ATG4B: variants seen among roughly 807,000 people sequenced by gnomAD.
ATG4B encodes the protein autophagy related 4B cysteine peptidase, also known as cysteine protease ATG4B.
Under a neutral mutation model 56.6 loss-of-function variants are expected in ATG4B, and 29 were observed. The ratio of observed to expected loss-of-function variants is 0.51; its 90% CI spans 0.38 to 0.70. The LOEUF is 0.70. Among genes scored for constraint, ATG4B ranks in the 30% least tolerant of loss-of-function variants. ATG4B has a pLI of 0.00. For missense variants in ATG4B, 461 were observed against 515.5 expected (o/e 0.89, Z 1.02); for synonymous variants, 224 against 206.1 (o/e 1.09, Z -0.74).
chr2:241,649,670 T>G (rs1434352603), intron 1 of ATG4B, among the ~76,000 whole-genome samples: 2 of 152,256 alleles, frequency 1.3e-5, no homozygotes, highest in African/African-American at 4.8e-5. Flanking sequence ...GGCTGGCGCC[T>G]TCTTTTCAGG....
rs550161677 is a variant in ATG4B at position 241,658,427 on chromosome 2, C to CT, written c.459-681_459-680insT. Among the ~76,000 whole-genome samples, 42 of 152,282 alleles carry CT rather than the reference C, an allele frequency of 2.8e-4. No individual in the cohort carries two copies. In the East Asian group the frequency reaches 7.7e-3, roughly 28 times the overall value. Reference sequence around the variant, plus strand: ...TGCTCCACCCCCACCCAGCTCCCCTCCACAGGTCTTGCATTCTGTCCCCGG... The same window carrying CT: ...TGCTCCACCCCCACCCAGCTCCCCTCTCACAGGTCTTGCATTCTGTCCCCGG... On this transcript the variant is annotated intron_variant, in intron 6 of 12. Transcript: ENST00000404914.
At chr2:241,640,057 CAT>C (rs1461735162) in intron 1 of ATG4B, among the ~76,000 whole-genome samples, 1 of 152,114 alleles carries the variant, frequency 6.6e-6, no homozygotes, top group African/African-American at 2.4e-5. Context: ...GCTGGAGTAT[CAT>C]ATGAGAGACT....
chr2:241,666,909 C>T (rs2068795659), intron 8 of ATG4B, 71 bp downstream of exon 8: 1 of 1,488,114 alleles, frequency 6.7e-7, no homozygotes. Context: ...ACTTTCAGCG[C>T]ATCGTCGTCA....
At chr2:241,649,068 T>C (rs1260228645) in intron 1 of ATG4B, among the ~76,000 whole-genome samples, 1 of 152,204 alleles carries the variant, frequency 6.6e-6, no homozygotes, top group African/African-American at 2.4e-5. Context: ...ATTTTATGGA[T>C]GAGGGAACAT....
At chr2:241,670,436 G>A (rs537062248) in intron 10 of ATG4B, 49 of 486,372 alleles carry the variant, frequency 1.0e-4, no homozygotes, top group South Asian at 4.3e-4. Flanking sequence ...CCCCAATCCC[G>A]GAACACTCGG....
intron 10 of ATG4B, among the ~76,000 whole-genome samples, chr2:241,670,002 T>C (rs2068910327): frequency 6.6e-6 from 1 of 151,990 alleles, no homozygotes; most frequent in African/African-American, 2.4e-5. Flanking sequence ...GGCCACCTGG[T>C]GGGATAACTG....
At chr2:241,671,476 C>T (rs188318080) in intron 12 of ATG4B, 71 bp downstream of exon 12, 3 of 1,579,464 alleles carry the variant, frequency 1.9e-6, no homozygotes, top group Admixed American at 1.8e-5. Context: ...CAGTCCTGGC[C>T]CCCTTGGTTT....
intron 1 of ATG4B, among the ~76,000 whole-genome samples, chr2:241,646,322 T>C (rs2068058051): frequency 1.3e-5 from 2 of 152,186 alleles, no homozygotes; most frequent in South Asian, 4.1e-4. Context: ...CTCATTCCTT[T>C]ACCATTTATA....
chr2:241,661,033 C>T (rs2068575801), intron 7 of ATG4B, among the ~76,000 whole-genome samples: 4 of 152,188 alleles, frequency 2.6e-5, no homozygotes, highest in Admixed American at 2.6e-4. Context: ...TGGACTCCAG[C>T]TCCGTCCCTT....
At chr2:241,660,983 A>G (rs1385472789) in intron 7 of ATG4B, among the ~76,000 whole-genome samples, 2 of 152,192 alleles carry the variant, frequency 1.3e-5, no homozygotes, top group African/African-American at 4.8e-5. Context: ...CTCTGGGTGC[A>G]GGTAGCACTG....
intron 6 of ATG4B, among the ~76,000 whole-genome samples, 189 bp from the exon 7 acceptor site, chr2:241,658,919 A>G (rs924097676): frequency 6.6e-6 from 1 of 152,262 alleles, no homozygotes; most frequent in Non-Finnish European, 1.5e-5. Flanking sequence ...CTCAGGCGAG[A>G]AGAAGCAGAT....
chr2:241,639,180 TGGGCTCTGCA>T (rs1209759125), intron 1 of ATG4B, among the ~76,000 whole-genome samples: 2 of 152,030 alleles, frequency 1.3e-5, no homozygotes, highest in Non-Finnish European at 1.5e-5. Context: ...GGCACCAGAG[TGGGCTCTGCA>T]GAGCTTACAG....
intron 7 of ATG4B, among the ~76,000 whole-genome samples, chr2:241,660,705 C>G (rs574414322): frequency 3.2e-4 from 48 of 152,066 alleles, no homozygotes; most frequent in African/African-American, 1.1e-3. Context: ...CAAAAACTTA[C>G]ATAGTTTCCT....
intron 6 of ATG4B, among the ~76,000 whole-genome samples, chr2:241,656,907 T>A (rs2125130326): frequency 6.6e-6 from 1 of 152,376 alleles, no homozygotes; most frequent in African/African-American, 2.4e-5. Context: ...GTGATTCTCC[T>A]GCCTCAGCCT....
At chr2:241,663,811 ATT>A (rs544195724) in intron 7 of ATG4B, among the ~76,000 whole-genome samples, 7 of 140,166 alleles carry the variant, frequency 5.0e-5, no homozygotes, top group Admixed American at 1.4e-4. Context: ...CCAGACGTCT[ATT>A]TTTTTTTTTT....
rs1174764160 is a variant in ATG4B, at chr2:241,668,430, C to T, written c.812-110C>T. ...CCTCGGCTCCCTCCCCACCTCCTGC[C>T]CACTGCTTCTCAGTGTGATGTGGGT... On this transcript the variant is annotated intron_variant, in intron 9 of 12. Coordinates refer to ENST00000404914, the MANE Select transcript of ATG4B (RefSeq NM_013325.5). This position sits in a 1 kb window ranked among gnomAD's most constrained non-coding sequence, Gnocchi z 4.2. The T allele has an allele frequency of 2.0e-6, 3 of 1,476,142 alleles. No individual in the cohort carries two copies. The allele number at this position is 1,476,142 out of a possible 1,614,324, so 91.4% of individuals were successfully genotyped here. A position where few individuals can be genotyped will look rare whatever the true frequency, so the allele number is the denominator to read the frequency against.
rs2068217901 is a variant in ATG4B at position 241,651,167 on chromosome 2, T to C, written c.112+56T>C. On this transcript the variant is annotated intron_variant, in intron 2 of 12. Transcript: ENST00000404914. This position sits in a 1 kb window ranked among gnomAD's most constrained non-coding sequence, Gnocchi z 4.1. ...TGACCGCTTGGCCTGCAGAAGCATT[T>C]TGTGATCACTGTTCTCTGCTAACTC... 6.4e-7 allele frequency: 1 copy of C among 1,565,498 alleles called. No individual in the cohort carries two copies. The highest frequency in any genetic ancestry group is 8.7e-7 in the Non-Finnish European group (1 of 1,147,176).
intron 1 of ATG4B, among the ~76,000 whole-genome samples, chr2:241,640,685 G>C (rs1034729070): frequency 1.3e-4 from 20 of 152,176 alleles, no homozygotes; most frequent in Non-Finnish European, 1.5e-4. Context: ...TAGCCAGGAT[G>C]GCCAGGAAGG....
Position 241,637,711 on chromosome 2 carries a change from G to A in ATG4B, c.-4G>A. The A allele has an allele frequency of 6.3e-7, 1 of 1,583,382 alleles. No individual in the cohort carries two copies. Among genetic ancestry groups the A allele is most frequent in the South Asian group, 1.1e-5 (1 of 88,458 alleles). On this transcript the variant is annotated 5_prime_UTR_variant, in exon 1 of 13. Transcript: ENST00000404914. ...TCGGGTCAGTCGGCGGCCGGACTGG[G>A]AAGATGGACGCAGGTGAGGAGTTGC...
Sources: allele counts gnomAD v4.1 joint callset (sites outside exome capture counted in the v4.1 genomes callset), GRCh38; gene constraint gnomAD v4.1.1; non-coding constraint Gnocchi (gnomAD v3.1); transcripts MANE v1.5; gene names NCBI Gene and HGNC (gene_info 2026-07-23, HGNC 2026-07-21).